The following CHST10 variants were observed in gnomAD, a reference collection of about 807,000 sequenced individuals.
CHST10 encodes HNK-1 sulfotransferase.
In CHST10, 24 loss-of-function variants were observed where a neutral mutation model predicts 34.7. The ratio of observed to expected loss-of-function variants is 0.69; its 90% CI spans 0.50 to 0.97. The LOEUF is 0.97. CHST10 is among the 50% of genes least tolerant of loss of function. The pLI is 0.00. For synonymous variants in CHST10, 161 were observed against 169.3 expected, an observed-to-expected ratio of 0.95 and a Z score of 0.38; for missense variants, 402 against 452.1, an observed-to-expected ratio of 0.89 and a Z score of 1.00.
chr2:100,410,010 G>A (rs6728399), intron 2 of CHST10, among the ~76,000 whole-genome samples: 3,566 of 152,206 alleles, frequency 0.023, 128 homozygotes, highest in African/African-American at 0.08. Context: ...GGGGGATGTG[G>A]ATTTGCAAAG....
intron 1 of CHST10, 128 bp downstream of exon 1, chr2:100,417,246 G>T: frequency 2.7e-6 from 1 of 374,630 alleles, no homozygotes; most frequent in East Asian, 7.4e-5. Flanking sequence ...TCTTCAAGTC[G>T]CCAAAACACA....
chr2:100,414,965 A>C (rs560687661), intron 2 of CHST10, 76 bp downstream of exon 2: 2 of 1,027,508 alleles, frequency 1.9e-6, no homozygotes, highest in East Asian at 1.2e-4. Context: ...CAATCTGCAC[A>C]GGCAAGAAAA....
At chr2:100,403,888 A>G (rs978515743) in intron 3 of CHST10, among the ~76,000 whole-genome samples, 12 of 152,308 alleles carry the variant, frequency 7.9e-5, no homozygotes, top group African/African-American at 2.6e-4. Flanking sequence ...GCTGCCCAAG[A>G]TCCAGGCTCC....
intron 4 of CHST10, among the ~76,000 whole-genome samples, chr2:100,402,073 A>G (rs2104347741): frequency 6.6e-6 from 1 of 152,202 alleles, no homozygotes; most frequent in East Asian, 1.9e-4. Flanking sequence ...GGCTGGGTGG[A>G]AGTCAGCAGC....
intron 2 of CHST10, among the ~76,000 whole-genome samples, chr2:100,414,641 T>G (rs1463327153): frequency 6.6e-6 from 1 of 152,222 alleles, no homozygotes; most frequent in Non-Finnish European, 1.5e-5. Context: ...TCTCTCAATC[T>G]GCGTACAGAA....
chr2:100,391,882 A>C lies in CHST10; in HGVS notation c.*1363T>G, dbSNP rs1295300845. Reference sequence around the variant, plus strand: ...ATGTCAGGTTTGGCACATAAATTTTATTTAACTTTCACATTGACACAATCA... The same window carrying C: ...ATGTCAGGTTTGGCACATAAATTTTCTTTAACTTTCACATTGACACAATCA... On this transcript the variant is annotated 3_prime_UTR_variant, in exon 7 of 7. Transcript: ENST00000264249. 6.6e-6 allele frequency: 1 copy of C among 152,666 alleles called. No individual in the cohort carries two copies. Among genetic ancestry groups the C allele is most frequent in the Non-Finnish European group, 1.5e-5 (1 of 68,058 alleles). The allele number at this position is 152,666 out of a possible 1,614,324, so 9.5% of individuals were successfully genotyped here.
chr2:100,405,679 G>A (rs1349175751), intron 3 of CHST10, among the ~76,000 whole-genome samples: 1 of 152,172 alleles, frequency 6.6e-6, no homozygotes, highest in African/African-American at 2.4e-5. Flanking sequence ...ACAAAGTACG[G>A]TGCAGAGCAC....
intron 4 of CHST10, 134 bp downstream of exon 4, chr2:100,402,430 A>G (rs1425481368): frequency 2.9e-6 from 2 of 692,466 alleles, no homozygotes; most frequent in East Asian, 2.6e-5. Context: ...GTGAACTAAC[A>G]TGGAGAAGTA....
At position 100,393,467 on chromosome 2, in the gene CHST10, G is replaced by T; in HGVS notation, c.849C>A (p.His283Gln). ...CEIMYSVIGH[H>Q]ETLEDDAPYI... ...ATGGGGCATCGTCCTCCAGGGTCTCGTGGTGTCCAATCACACTGTACATTA... is the reference window on the plus strand; with the variant it reads ...ATGGGGCATCGTCCTCCAGGGTCTCTTGGTGTCCAATCACACTGTACATTA... Residue 283 changes from histidine (H) to glutamine (Q), a missense_variant, in exon 7 of 7, where the codon CAC (histidine) becomes CAA (glutamine). Transcript: ENST00000264249. 6.2e-7 allele frequency: 1 copy of T among 1,614,122 alleles called. No individual in the cohort carries two copies. Among genetic ancestry groups the T allele is most frequent in the African/African-American group, 1.3e-5 (1 of 75,010 alleles).
At chr2:100,403,471 C>A (rs1675431088) in intron 3 of CHST10, among the ~76,000 whole-genome samples, 2 of 152,294 alleles carry the variant, frequency 1.3e-5, no homozygotes, top group Middle Eastern at 6.8e-3. Flanking sequence ...ATCACTGGCT[C>A]CACTGCTGAG....
intron 6 of CHST10, 85 bp from the exon 7 acceptor site, chr2:100,393,867 T>C: frequency 9.1e-7 from 1 of 1,096,854 alleles, no homozygotes; most frequent in Non-Finnish European, 1.3e-6. Flanking sequence ...ATGAGCGGAG[T>C]GCAGCACTGT....
chr2:100,394,337 G>A (rs1674948751), intron 6 of CHST10, among the ~76,000 whole-genome samples: 2 of 152,184 alleles, frequency 1.3e-5, no homozygotes, highest in African/African-American at 2.4e-5. Context: ...CCCTGGGGAG[G>A]AGGGCCGGCA....
intron 5 of CHST10, among the ~76,000 whole-genome samples, chr2:100,395,924 A>C (rs1446053014): frequency 1.3e-5 from 2 of 152,200 alleles, no homozygotes; most frequent in African/African-American, 4.8e-5. Context: ...ACTGGGCTAA[A>C]TCTGCCATTA....
intron 4 of CHST10, among the ~76,000 whole-genome samples, chr2:100,398,661 C>T (rs1183362728): frequency 6.6e-6 from 1 of 152,136 alleles, no homozygotes; most frequent in Non-Finnish European, 1.5e-5. Context: ...CCTAAGATCG[C>T]ACTACTGCAC....
At chr2:100,399,032 C>T (rs1429831887) in intron 4 of CHST10, among the ~76,000 whole-genome samples, 1 of 151,942 alleles carries the variant, frequency 6.6e-6, no homozygotes, top group African/African-American at 2.4e-5. Flanking sequence ...CCAACCCCAT[C>T]GGCCCCCTCT....
At chr2:100,395,827 A>G (rs1486971942) in intron 5 of CHST10, among the ~76,000 whole-genome samples, 1 of 152,202 alleles carries the variant, frequency 6.6e-6, no homozygotes, top group Non-Finnish European at 1.5e-5. Flanking sequence ...TCCATAAGCC[A>G]ACTAGAGGAA....
At chr2:100,411,392 G>A (rs768579486) in intron 2 of CHST10, among the ~76,000 whole-genome samples, 8 of 152,072 alleles carry the variant, frequency 5.3e-5, no homozygotes, top group Admixed American at 3.9e-4. Context: ...GATTATAGGC[G>A]TGAGCCACCA....
intron 6 of CHST10, among the ~76,000 whole-genome samples, chr2:100,395,058 T>C (rs1006957391): frequency 2.0e-5 from 3 of 152,192 alleles, no homozygotes; most frequent in South Asian, 2.1e-4. Flanking sequence ...TCCGTCTCTC[T>C]ACCCTGCCCA....
intron 4 of CHST10, among the ~76,000 whole-genome samples, chr2:100,399,522 C>A (rs568505628): frequency 6.6e-6 from 1 of 152,326 alleles, no homozygotes; most frequent in African/African-American, 2.4e-5. Flanking sequence ...ATGCACTGGG[C>A]TTGCCAGGAA....
Sources: gnomAD v4.1 joint callset for allele counts (sites outside exome capture counted in the v4.1 genomes callset) on GRCh38, gnomAD v4.1.1 for gene constraint, MANE v1.5 for transcripts, NCBI Gene and HGNC (gene_info 2026-07-23, HGNC 2026-07-21) for gene names.